Variants in PHTF2 observed in about 807,000 individuals in gnomAD.
PHTF2 encodes the protein protein PHTF2.
Under a neutral mutation model 101.2 loss-of-function variants are expected in PHTF2, and 60 were observed. The observed-to-expected ratio is 0.59, with a 90% CI of 0.48 to 0.73. The LOEUF is 0.73. PHTF2 is among the 30% of genes least tolerant of loss of function. The pLI is 0.00. For synonymous variants in PHTF2, 311 were observed against 307.3 expected, an observed-to-expected ratio of 1.01 and a Z score of -0.13; for missense variants, 747 against 908.7, an observed-to-expected ratio of 0.82 and a Z score of 2.29.
chr7:77,799,199 G>C (rs1792319628), intron 1 of PHTF2, among the ~76,000 whole-genome samples: 1 of 152,220 alleles, frequency 6.6e-6, no homozygotes, highest in Admixed American at 6.5e-5. Context: ...GCCGGTGGCG[G>C]AGGCTCAGCC....
chr7:77,824,710 A>G (rs1250955038), intron 1 of PHTF2, among the ~76,000 whole-genome samples: 1 of 152,086 alleles, frequency 6.6e-6, no homozygotes, highest in African/African-American at 2.4e-5. Context: ...TTGAGTCAGT[A>G]ATGTAAAAGA....
chr7:77,939,981 T>C, intron 13 of PHTF2, 49 bp from the exon 13 acceptor site: 2 of 1,338,932 alleles, frequency 1.5e-6, no homozygotes, highest in Non-Finnish European at 2.1e-6. Flanking sequence ...ATAAAATTTA[T>C]GGTATAATTT....
intron 1 of PHTF2, among the ~76,000 whole-genome samples, chr7:77,836,452 C>T (rs1795481609): frequency 6.6e-6 from 1 of 152,188 alleles, no homozygotes; most frequent in Admixed American, 6.5e-5. Flanking sequence ...CTCTTCTGTA[C>T]TCATCTTTTC....
intron 1 of PHTF2, among the ~76,000 whole-genome samples, chr7:77,821,466 A>G (rs918133733): frequency 6.6e-6 from 1 of 150,824 alleles, no homozygotes; most frequent in Admixed American, 6.6e-5. Flanking sequence ...TGGCCTGTGG[A>G]TGTATGTATC....
intron 1 of PHTF2, among the ~76,000 whole-genome samples, chr7:77,828,281 A>G (rs1445982587): frequency 3.3e-5 from 5 of 152,218 alleles, no homozygotes; most frequent in African/African-American, 4.8e-5. Context: ...CAAAAAGCCA[A>G]TACATTATAA....
At chr7:77,886,299 C>T (rs2150769111) in intron 3 of PHTF2, among the ~76,000 whole-genome samples, 1 of 152,130 alleles carries the variant, frequency 6.6e-6, no homozygotes, top group East Asian at 1.9e-4. Flanking sequence ...TGATACGTTT[C>T]TCATTTCACC....
chr7:77,913,387 GAAA>G (rs58943092), intron 9 of PHTF2, among the ~76,000 whole-genome samples: 2 of 98,196 alleles, frequency 2.0e-5, no homozygotes, highest in African/African-American at 7.1e-5. Flanking sequence ...GACTCTGTCT[GAAA>G]AAAAAAAAAA....
chr7:77,923,444 G>A, intron 11 of PHTF2: 2 of 985,152 alleles, frequency 2.0e-6, no homozygotes, highest in Non-Finnish European at 2.4e-6. Flanking sequence ...ATGGTTTTGG[G>A]TTAAACTTGT....
intron 1 of PHTF2, among the ~76,000 whole-genome samples, chr7:77,832,399 T>C (rs1342654361): frequency 6.6e-6 from 1 of 152,184 alleles, no homozygotes; most frequent in Non-Finnish European, 1.5e-5. Flanking sequence ...TGGGAAGTAA[T>C]GGATCCACAA....
At chr7:77,865,298 T>C (rs1584526422) in intron 3 of PHTF2, among the ~76,000 whole-genome samples, 1 of 152,072 alleles carries the variant, frequency 6.6e-6, no homozygotes, top group Non-Finnish European at 1.5e-5. Flanking sequence ...CGATCTCAGC[T>C]CACTGCAACC....
chr7:77,953,852 T>C (rs1350865450), exon 19 of PHTF2: 1 of 1,613,396 alleles, frequency 6.2e-7, no homozygotes, highest in Non-Finnish European at 8.5e-7. Flanking sequence ...TCCTGTCAGC[T>C]GTTTCTGGTG....
At chr7:77,889,594 CTT>C (rs779369229) in intron 3 of PHTF2, among the ~76,000 whole-genome samples, 3 of 126,608 alleles carry the variant, frequency 2.4e-5, no homozygotes, top group Admixed American at 7.9e-5. Flanking sequence ...TTTTTTTTTC[CTT>C]TTTTTTTTTT....
chr7:77,927,195 T>TACACACACACACACACACAC (rs1434065287), intron 11 of PHTF2, among the ~76,000 whole-genome samples: 1 of 78,508 alleles, frequency 1.3e-5, no homozygotes, highest in Admixed American at 1.5e-4. Context: ...TATATATATA[T>TACACACACACACACACACAC]ACATACACAC....
chr7:77,801,265 G>T (rs887447009), intron 1 of PHTF2, among the ~76,000 whole-genome samples: 1 of 152,206 alleles, frequency 6.6e-6, no homozygotes, highest in African/African-American at 2.4e-5. Flanking sequence ...CCAAGATGAT[G>T]CCACAAGACA....
rs566656902 is a variant in PHTF2, at chr7:77,836,303, G to C, written c.-35-3918G>C. Among the ~76,000 whole-genome samples, 3 of 152,206 alleles carry C rather than the reference G, an allele frequency of 2.0e-5. No individual in the cohort carries two copies. The South Asian group carries it at 6.2e-4, about 32-fold the overall frequency. On this transcript the variant is annotated intron_variant, in intron 1 of 19. Coordinates refer to ENST00000416283, the Ensembl canonical transcript of PHTF2. ...GGCAGAAGAGGTAAAGGAGGTGAAA[G>C]GGGAGGCAGGAGTATCAGGCACACT... is the stretch of plus-strand genomic sequence containing the variant.
chr7:77,891,267 C>G (rs1414762856), intron 3 of PHTF2, among the ~76,000 whole-genome samples: 1 of 152,050 alleles, frequency 6.6e-6, no homozygotes, highest in African/African-American at 2.4e-5. Flanking sequence ...CATTTAAGCC[C>G]AGTTATTCTG....
chr7:77,882,875 CTCA>C (rs1270439246), intron 3 of PHTF2, among the ~76,000 whole-genome samples: 2 of 152,002 alleles, frequency 1.3e-5, no homozygotes, highest in Non-Finnish European at 2.9e-5. Flanking sequence ...TCATTTGATC[CTCA>C]TCATTAAAGT....
chr7:77,897,502 T>G (rs938738868), intron 5 of PHTF2, among the ~76,000 whole-genome samples: 1 of 151,896 alleles, frequency 6.6e-6, no homozygotes, highest in African/African-American at 2.4e-5. Flanking sequence ...GTGCATAAAT[T>G]AGTAGTTTTA....
At chr7:77,852,887 T>C (rs1796882042) in intron 2 of PHTF2, among the ~76,000 whole-genome samples, 1 of 152,214 alleles carries the variant, frequency 6.6e-6, no homozygotes, top group African/African-American at 2.4e-5. Flanking sequence ...CCGTCAGCAC[T>C]TTAAATATGT....
Sources: gnomAD v4.1 joint callset for allele counts (sites outside exome capture counted in the v4.1 genomes callset) on GRCh38, gnomAD v4.1.1 for gene constraint, MANE v1.5 for transcripts, NCBI Gene and HGNC (gene_info 2026-07-23, HGNC 2026-07-21) for gene names.